The following SF3B3 variants were observed in gnomAD, a reference collection of about 807,000 sequenced individuals.
SF3B3 encodes splicing factor 3b subunit 3, also known as SAP 130.
In SF3B3, 33 loss-of-function variants were observed where a neutral mutation model predicts 139.2. The observed-to-expected ratio is 0.24, with a 90% CI of 0.18 to 0.32. The LOEUF is 0.32. Ranked by LOEUF, SF3B3 falls within the 10% of genes least tolerant of loss-of-function variation. SF3B3 has a pLI of 1.00. For missense variants in SF3B3, 818 were observed against 1,509.4 expected (o/e 0.54, Z 7.59); for synonymous variants, 596 against 563.6 (o/e 1.06, Z -0.81).
At chr16:70,547,445 G>A (rs2050279377) in intron 10 of SF3B3, among the ~76,000 whole-genome samples, 1 of 152,168 alleles carries the variant, frequency 6.6e-6, no homozygotes, top group South Asian at 2.1e-4. Context: ...TTCCCCTCTA[G>A]ATCATTTTGA....
In SF3B3 at chr16:70,571,211, G is replaced by A. The variant is rs2050525915; in HGVS notation, c.3513+12G>A. Reference sequence around the variant, plus strand: ...ACTTCCCTGTGAAGGTAGGTTGGGGGAATCTGAGCTGAAAAGGGAGATCTG... The same window carrying A: ...ACTTCCCTGTGAAGGTAGGTTGGGGAAATCTGAGCTGAAAAGGGAGATCTG... On this transcript the variant is annotated intron_variant, in intron 25 of 25. Coordinates refer to ENST00000302516, the MANE Select transcript of SF3B3 (RefSeq NM_012426.5). 2 of 1,566,384 alleles carry A rather than the reference G, an allele frequency of 1.3e-6. No individual in the cohort carries two copies. The highest frequency in any genetic ancestry group is 1.8e-6 in the Non-Finnish European group (2 of 1,136,402).
Position 70,572,157 on chromosome 16 carries a change from C to T in SF3B3, c.*344C>T, listed in dbSNP as rs2050535520. The T allele has an allele frequency of 2.0e-6, 1 of 490,344 alleles. No homozygotes were observed. Among genetic ancestry groups the T allele is most frequent in the Non-Finnish European group, 4.0e-6 (1 of 249,554 alleles). 30.4% of individuals were successfully genotyped at this position (490,344 alleles called of 1,614,324 possible). A position where few individuals can be genotyped will look rare whatever the true frequency, so the allele number is the denominator to read the frequency against. On this transcript the variant is annotated 3_prime_UTR_variant, in exon 26 of 26. Transcript: ENST00000302516. ...ACACCCTTAATTTTTAATTGGTTTT[C>T]TTGTAAATACAGTTTTGTACAATGT... is the stretch of plus-strand genomic sequence containing the variant.
In SF3B3 at chr16:70,571,167, C is replaced by G; in HGVS notation, c.3481C>G (p.Leu1161Val). ...TCCCCCTCTCTGTGGGCGGGACCAC[C>G]TCAGCTTTCGCTCCTACTACTTCCC... ...EHPPLCGRDH[L>V]SFRSYYFPVK... Residue 1161 changes from leucine (L) to valine (V), a missense_variant, in exon 25 of 26, where the codon CTC (leucine) becomes GTC (valine). Transcript: ENST00000302516. 1 of 1,613,774 alleles carries G rather than the reference C, an allele frequency of 6.2e-7. No homozygotes were observed. The highest frequency in any genetic ancestry group is 1.3e-5 in the African/African-American group (1 of 75,018).
chr16:70,541,988 C>T (rs536263798), intron 9 of SF3B3, among the ~76,000 whole-genome samples, 154 bp downstream of exon 9: 15 of 152,280 alleles, frequency 9.9e-5, no homozygotes, highest in Admixed American at 7.2e-4. Flanking sequence ...AATAAGTCCT[C>T]GGGCTTTTTT....
At chr16:70,558,612 C>T (rs1335637270) in intron 15 of SF3B3, among the ~76,000 whole-genome samples, 1 of 151,954 alleles carries the variant, frequency 6.6e-6, no homozygotes, top group Non-Finnish European at 1.5e-5. Context: ...AAATTTCTTC[C>T]TTGACACAGA....
rs1427634674 is a variant in SF3B3, at chr16:70,571,762, A to AC, written c.3606dup (p.Glu1203ArgfsTer57). On this transcript the variant is annotated frameshift_variant, in exon 26 of 26. Coordinates refer to ENST00000302516, the MANE Select transcript of SF3B3 (RefSeq NM_012426.5). LOFTEE classifies it high-confidence loss of function. The stretch of plus-strand genomic sequence containing the variant: ...TCTCTGAAGAACTGGACCGAACCCC[A>AC]CCCGAAGTGTCCAAGAAACTCGAGG... 1 of 1,613,822 alleles carries AC rather than the reference A, an allele frequency of 6.2e-7. No individual in the cohort carries two copies.
At chr16:70,555,555 A>G (rs1468976092) in intron 13 of SF3B3, among the ~76,000 whole-genome samples, 1 of 151,544 alleles carries the variant, frequency 6.6e-6, no homozygotes, top group Non-Finnish European at 1.5e-5. Context: ...AGAGATGGGG[A>G]AAAGGGGTAA....
intron 18 of SF3B3, among the ~76,000 whole-genome samples, chr16:70,564,792 A>G (rs558703371): frequency 5.9e-5 from 9 of 152,314 alleles, no homozygotes; most frequent in Non-Finnish European, 1.0e-4. Flanking sequence ...TTCTCAAGCC[A>G]CTAGTCCAAT....
intron 10 of SF3B3, among the ~76,000 whole-genome samples, chr16:70,546,544 C>G (rs919731341): frequency 6.6e-6 from 1 of 151,998 alleles, no homozygotes. Flanking sequence ...CCCAGCTACT[C>G]AGGAGACTAA....
Position 70,572,038 on chromosome 16 carries a change from C to A in SF3B3, c.*225C>A. 1 of 671,778 alleles carries A rather than the reference C, an allele frequency of 1.5e-6. No homozygotes were observed. Among genetic ancestry groups the A allele is most frequent in the Non-Finnish European group, 2.7e-6 (1 of 369,926 alleles). 41.6% of individuals were successfully genotyped at this position (671,778 alleles called of 1,614,324 possible). A position where few individuals can be genotyped will look rare whatever the true frequency, so the allele number is the denominator to read the frequency against. The stretch of plus-strand genomic sequence containing the variant: ...ACTTCTCCCCACCTGGTACATGATA[C>A]ATGACCCCAGGTTCCAGTGTAGAAC... On this transcript the variant is annotated 3_prime_UTR_variant, in exon 26 of 26. Coordinates refer to ENST00000302516, the MANE Select transcript of SF3B3 (RefSeq NM_012426.5).
chr16:70,547,986 A>G (rs1031896116), intron 10 of SF3B3, among the ~76,000 whole-genome samples: 2 of 152,174 alleles, frequency 1.3e-5, no homozygotes, highest in African/African-American at 4.8e-5. Context: ...TGGCATTTGA[A>G]TTGGTCCACA....
At chr16:70,556,102 C>T (rs373308217) in intron 13 of SF3B3, 77 bp from the exon 14 acceptor site, 3 of 1,456,408 alleles carry the variant, frequency 2.1e-6, no homozygotes, top group African/African-American at 2.8e-5. Context: ...TCTCTGGATC[C>T]AGGGTTTTGG....
chr16:70,554,193 T>C, intron 11 of SF3B3: 1 of 369,628 alleles, frequency 2.7e-6, no homozygotes, highest in South Asian at 3.7e-5. Flanking sequence ...ATTCTCTTGC[T>C]TTGTCCTCTC....
chr16:70,547,598 C>G (rs544757488), intron 10 of SF3B3, among the ~76,000 whole-genome samples: 2 of 152,026 alleles, frequency 1.3e-5, no homozygotes, highest in African/African-American at 2.4e-5. Flanking sequence ...TGACTGATTT[C>G]TTTCTTTTTT....
At chr16:70,536,793 G>T (rs2151779429) in intron 6 of SF3B3, among the ~76,000 whole-genome samples, 1 of 150,514 alleles carries the variant, frequency 6.6e-6, no homozygotes, top group South Asian at 2.1e-4. Flanking sequence ...TGCCAGTCTG[G>T]GCTAATTTTC....
chr16:70,554,288 C>A, intron 11 of SF3B3, 158 bp from the exon 12 acceptor site: 1 of 608,862 alleles, frequency 1.6e-6, no homozygotes, highest in Non-Finnish European at 2.9e-6. Flanking sequence ...TCTTCTGGAT[C>A]ATTTTGCTCT....
chr16:70,564,563 G>C (rs1456288618), intron 18 of SF3B3, among the ~76,000 whole-genome samples: 1 of 152,086 alleles, frequency 6.6e-6, no homozygotes, highest in Non-Finnish European at 1.5e-5. Flanking sequence ...TCCCGTCCTT[G>C]AGCTTCCAAA....
At chr16:70,529,372 C>T in intron 3 of SF3B3, 173 bp downstream of exon 3, 1 of 593,870 alleles carries the variant, frequency 1.7e-6, no homozygotes, top group Non-Finnish European at 2.9e-6. Flanking sequence ...TCTTTTAAAA[C>T]AATGGGAAAA....
In SF3B3 at chr16:70,573,312, A is replaced by G. The variant is rs1432906074; in HGVS notation, c.*1499A>G. 6.6e-6 allele frequency: 1 copy of G among 152,200 alleles called. No individual in the cohort carries two copies. Among genetic ancestry groups the G allele is most frequent in the African/African-American group, 2.4e-5 (1 of 41,452 alleles). 9.4% of individuals were successfully genotyped at this position (152,200 alleles called of 1,614,324 possible). A position where few individuals can be genotyped will look rare whatever the true frequency, so the allele number is the denominator to read the frequency against. On this transcript the variant is annotated 3_prime_UTR_variant, in exon 26 of 26. Transcript: ENST00000302516. ...TTTCCTGTGGCCCTAAATCCATTCT[A>G]TCAAATTGTGTGATACTGACATGCA...
Sources: allele counts gnomAD v4.1 joint callset (sites outside exome capture counted in the v4.1 genomes callset), GRCh38; gene constraint gnomAD v4.1.1; transcripts MANE v1.5; gene names NCBI Gene and HGNC (gene_info 2026-07-23, HGNC 2026-07-21).